Variants in SLC25A21 observed in about 807,000 individuals in gnomAD.
The protein encoded by SLC25A21 is mitochondrial 2-oxodicarboxylate carrier.
SLC25A21 carries 47 observed loss-of-function variants against 43.8 expected under a neutral mutation model. The ratio of observed to expected loss-of-function variants is 1.07; its 90% CI spans 0.85 to 1.37. SLC25A21 has a LOEUF of 1.37. Ranked by LOEUF, SLC25A21 falls within the 40% of genes most tolerant of loss-of-function variation. The pLI is 0.00. For missense variants in SLC25A21, 352 were observed against 350.2 expected (o/e 1.00, Z -0.04); for synonymous variants, 131 against 121.3 (o/e 1.08, Z -0.52).
At chr14:36,765,682 T>C (rs767269634) in intron 3 of SLC25A21, among the ~76,000 whole-genome samples, 3 of 152,212 alleles carry the variant, frequency 2.0e-5, no homozygotes, top group Non-Finnish European at 2.9e-5. Context: ...TTCCTCTGTG[T>C]ATCCTTTTCC....
chr14:36,688,787 A>C (rs1406442795), intron 7 of SLC25A21, among the ~76,000 whole-genome samples: 1 of 152,272 alleles, frequency 6.6e-6, no homozygotes, highest in African/African-American at 2.4e-5. Flanking sequence ...TGTCTAAGCA[A>C]TACATCTGTT....
At chr14:36,845,481 TA>T (rs893731257) in intron 2 of SLC25A21, among the ~76,000 whole-genome samples, 1 of 152,212 alleles carries the variant, frequency 6.6e-6, no homozygotes, top group African/African-American at 2.4e-5. Flanking sequence ...TTAGATGCCA[TA>T]AGTCAAGTCA....
chr14:36,707,243 G>A (rs1253296235), intron 7 of SLC25A21, among the ~76,000 whole-genome samples: 1 of 152,158 alleles, frequency 6.6e-6, no homozygotes, highest in Non-Finnish European at 1.5e-5. Flanking sequence ...TGACCATCAG[G>A]TTTATACTGG....
At chr14:36,985,322 C>T (rs1430917558) in intron 1 of SLC25A21, among the ~76,000 whole-genome samples, 1 of 151,872 alleles carries the variant, frequency 6.6e-6, no homozygotes, top group Non-Finnish European at 1.5e-5. Context: ...TGTAACTAAC[C>T]TGCACAATGT....
intron 1 of SLC25A21, among the ~76,000 whole-genome samples, chr14:36,921,756 T>C (rs189065591): frequency 5.3e-5 from 8 of 152,312 alleles, no homozygotes; most frequent in African/African-American, 1.7e-4. Context: ...TTTACACAAG[T>C]ATGCTCATTT....
intron 1 of SLC25A21, among the ~76,000 whole-genome samples, chr14:37,001,574 G>A (rs1375214132): frequency 1.1e-4 from 17 of 151,890 alleles, no homozygotes; most frequent in Non-Finnish European, 2.9e-5. Context: ...TTTCTTTCAC[G>A]CAACCTTTCA....
chr14:36,830,223 T>C (rs1204673087), intron 2 of SLC25A21, among the ~76,000 whole-genome samples: 13 of 152,220 alleles, frequency 8.5e-5, no homozygotes, highest in Admixed American at 8.5e-4. Context: ...CAATTTACTC[T>C]TTCACATTTT....
intron 3 of SLC25A21, among the ~76,000 whole-genome samples, chr14:36,808,666 T>C (rs1454202971): frequency 6.6e-6 from 1 of 152,196 alleles, no homozygotes; most frequent in African/African-American, 2.4e-5. Context: ...GGGTAAGTTA[T>C]TTAACTTCAG....
chr14:36,790,951 AAT>A (rs1182890836), intron 3 of SLC25A21, among the ~76,000 whole-genome samples: 1 of 151,970 alleles, frequency 6.6e-6, no homozygotes, highest in Non-Finnish European at 1.5e-5. Flanking sequence ...TTCATTTAAT[AAT>A]AGAGTCCAAA....
Position 37,124,921 on chromosome 14 carries a change from G to A in SLC25A21, c.70+47360C>T, listed in dbSNP as rs149219232. On this transcript the variant is annotated intron_variant, in intron 1 of 9. Coordinates refer to ENST00000331299, the MANE Select transcript of SLC25A21 (RefSeq NM_030631.4). ...CTGCCATGAGCCAAAGCTCCCTGAG[G>A]CCTCCCCAGAAGTAGATGCTGCCAT... Among the ~76,000 whole-genome samples the A allele has an allele frequency of 3.1e-3, 470 of 152,278 alleles. 1 individual carries two copies. Among genetic ancestry groups the A allele is most frequent in the African/African-American group, 0.011 (437 of 41,548 alleles).
At chr14:37,162,155 G>A (rs1439464105) in intron 1 of SLC25A21, among the ~76,000 whole-genome samples, 1 of 152,088 alleles carries the variant, frequency 6.6e-6, no homozygotes, top group African/African-American at 2.4e-5. Flanking sequence ...GTCTCCAGAA[G>A]GAGCCAACCC....
intron 2 of SLC25A21, among the ~76,000 whole-genome samples, chr14:36,871,456 T>C (rs1276664862): frequency 6.6e-6 from 1 of 152,178 alleles, no homozygotes; most frequent in Non-Finnish European, 1.5e-5. Context: ...CAGATGAACA[T>C]ACCCAGTTGT....
At chr14:36,971,169 C>A (rs777918550) in intron 1 of SLC25A21, among the ~76,000 whole-genome samples, 1 of 152,106 alleles carries the variant, frequency 6.6e-6, no homozygotes, top group Non-Finnish European at 1.5e-5. Flanking sequence ...ATTATTTAGG[C>A]AGATACTGAG....
chr14:37,103,931 C>A (rs900824128), intron 1 of SLC25A21, among the ~76,000 whole-genome samples: 2 of 152,174 alleles, frequency 1.3e-5, no homozygotes, highest in African/African-American at 4.8e-5. Flanking sequence ...CTTTACAAGG[C>A]AAATTGGAAG....
At chr14:36,881,268 G>A (rs1376968126) in intron 1 of SLC25A21, among the ~76,000 whole-genome samples, 2 of 152,136 alleles carry the variant, frequency 1.3e-5, no homozygotes, top group African/African-American at 2.4e-5. Context: ...TCTGTGGCCT[G>A]CGTATTCTTT....
At chr14:36,887,310 T>C (rs1890945921) in intron 1 of SLC25A21, among the ~76,000 whole-genome samples, 1 of 151,822 alleles carries the variant, frequency 6.6e-6, no homozygotes, top group Non-Finnish European at 1.5e-5. Flanking sequence ...ACACCTGTAA[T>C]CTCGATACTT....
chr14:37,060,605 CCACA>C (rs10560891), intron 1 of SLC25A21, among the ~76,000 whole-genome samples: 35,705 of 149,058 alleles, frequency 0.24, 4,613 homozygotes, highest in Non-Finnish European at 0.29. Flanking sequence ...CCATTAAACA[CCACA>C]CACACACACA....
At chr14:36,960,269 A>G (rs531628533) in intron 1 of SLC25A21, among the ~76,000 whole-genome samples, 1 of 152,270 alleles carries the variant, frequency 6.6e-6, no homozygotes, top group South Asian at 2.1e-4. Flanking sequence ...TAAAACACAC[A>G]TAGACATGTG....
rs140896124 is a variant in SLC25A21, at chr14:36,761,134, C to T, written c.204-26561G>A. 1.9e-3 allele frequency among the ~76,000 whole-genome samples: 283 copies of T among 152,272 alleles called. 1 individual carries two copies. The highest frequency in any genetic ancestry group is 4.8e-3 in the Admixed American group (73 of 15,302). Reference sequence around the variant, plus strand: ...GGAGCTCAGCTCCTGCCCATTCTCTCGTGAAAGGTTATCCGTGCCACATCA... The same window carrying T: ...GGAGCTCAGCTCCTGCCCATTCTCTTGTGAAAGGTTATCCGTGCCACATCA... On this transcript the variant is annotated intron_variant, in intron 3 of 9. Coordinates refer to ENST00000331299, the MANE Select transcript of SLC25A21 (RefSeq NM_030631.4).
Sources: allele counts gnomAD v4.1 joint callset (sites outside exome capture counted in the v4.1 genomes callset), GRCh38; gene constraint gnomAD v4.1.1; transcripts MANE v1.5; gene names NCBI Gene and HGNC (gene_info 2026-07-23, HGNC 2026-07-21).